Variants in CACNA2D1 observed in about 807,000 individuals in gnomAD.
The protein encoded by CACNA2D1 is voltage-dependent calcium channel subunit alpha-2/delta-1.
CACNA2D1 carries 53 observed loss-of-function variants against 171.5 expected under a neutral mutation model. The observed-to-expected ratio is 0.31, with a 90% CI of 0.25 to 0.39. CACNA2D1 has a LOEUF of 0.39. CACNA2D1 is among the 10% of genes least tolerant of loss of function. The probability of loss-of-function intolerance (pLI) is 1.00; values close to 1 mark genes in which losing one functional copy is unlikely to be tolerated. For synonymous variants in CACNA2D1, 442 were observed against 443.1 expected, an observed-to-expected ratio of 1.00 and a Z score of 0.03; for missense variants, 903 against 1,299.8, an observed-to-expected ratio of 0.69 and a Z score of 4.69.
chr7:82,409,043 T>C (rs1025538588), intron 1 of CACNA2D1, among the ~76,000 whole-genome samples: 1 of 152,060 alleles, frequency 6.6e-6, no homozygotes, highest in Admixed American at 6.6e-5. Context: ...TTTGCATTCA[T>C]TATTGAACTA....
chr7:82,421,564 C>T (rs1486762723), intron 1 of CACNA2D1, among the ~76,000 whole-genome samples: 17 of 152,046 alleles, frequency 1.1e-4, no homozygotes, highest in South Asian at 2.1e-4. Context: ...CAAGGAAGAG[C>T]GTTTGGGCAC....
At chr7:81,970,844 A>T (rs552529380) in intron 26 of CACNA2D1, 107 bp from the exon 27 acceptor site, 12 of 748,560 alleles carry the variant, frequency 1.6e-5, no homozygotes, top group African/African-American at 1.4e-4. Context: ...TAAAGGAAAT[A>T]TATCAATAGA....
intron 3 of CACNA2D1, among the ~76,000 whole-genome samples, chr7:82,202,844 G>A (rs1010291729): frequency 2.0e-5 from 3 of 152,032 alleles, no homozygotes; most frequent in Non-Finnish European, 1.5e-5. Flanking sequence ...CCACCTCAGA[G>A]GTCCTCCCAG....
chr7:82,167,997 GT>G (rs553381046), intron 4 of CACNA2D1, among the ~76,000 whole-genome samples: 1 of 152,056 alleles, frequency 6.6e-6, no homozygotes, highest in Non-Finnish European at 1.5e-5. Context: ...CTTGCACAAT[GT>G]TTTTTTAGCA....
At chr7:81,992,315 TTGA>T (rs1332084381) in intron 20 of CACNA2D1, among the ~76,000 whole-genome samples, 1 of 152,068 alleles carries the variant, frequency 6.6e-6, no homozygotes, top group Non-Finnish European at 1.5e-5. Context: ...CTGCAATTTA[TTGA>T]TGAAGAAATA....
intron 10 of CACNA2D1, chr7:82,050,317 A>G: frequency 2.5e-6 from 1 of 405,372 alleles, no homozygotes; most frequent in Non-Finnish European, 4.5e-6. Flanking sequence ...GATAAAAGGC[A>G]GAAAAAATAC....
intron 3 of CACNA2D1, among the ~76,000 whole-genome samples, chr7:82,314,887 T>G (rs1814918293): frequency 6.6e-6 from 1 of 152,060 alleles, no homozygotes; most frequent in Admixed American, 6.6e-5. Flanking sequence ...ACCTGTGTTT[T>G]ACCACCCCAT....
intron 24 of CACNA2D1, among the ~76,000 whole-genome samples, chr7:81,981,719 C>T (rs1796460622): frequency 6.6e-6 from 1 of 151,946 alleles, no homozygotes; most frequent in Non-Finnish European, 1.5e-5. Flanking sequence ...AAAGAACACC[C>T]TGGGACTACT....
intron 7 of CACNA2D1, among the ~76,000 whole-genome samples, chr7:82,072,284 C>A (rs1478352767): frequency 2.0e-5 from 3 of 151,968 alleles, no homozygotes; most frequent in Admixed American, 6.6e-5. Flanking sequence ...ACCCCACTCA[C>A]CCTTATGTGA....
chr7:82,207,098 C>T (rs765068791), intron 3 of CACNA2D1, among the ~76,000 whole-genome samples: 6 of 152,176 alleles, frequency 3.9e-5, no homozygotes, highest in African/African-American at 7.2e-5. Flanking sequence ...ATGGGAGTAT[C>T]CCTGGCCCCA....
At chr7:82,216,959 A>G (rs913088398) in intron 3 of CACNA2D1, among the ~76,000 whole-genome samples, 1 of 151,478 alleles carries the variant, frequency 6.6e-6, no homozygotes, top group African/African-American at 2.4e-5. Context: ...TACAGTGTTG[A>G]AGATGTTTTT....
At chr7:82,281,458 A>T (rs1438162330) in intron 3 of CACNA2D1, among the ~76,000 whole-genome samples, 1 of 152,186 alleles carries the variant, frequency 6.6e-6, no homozygotes, top group East Asian at 1.9e-4. Flanking sequence ...GTGGACATAT[A>T]ATTTTTTCAC....
chr7:82,443,560 G>C lies in CACNA2D1; in HGVS notation c.-101C>G. The C allele has an allele frequency of 2.6e-6, 4 of 1,514,698 alleles. No homozygotes were observed. Among genetic ancestry groups the C allele is most frequent in the Non-Finnish European group, 3.5e-6 (4 of 1,129,870 alleles). 93.8% of individuals were successfully genotyped at this position (1,514,698 alleles called of 1,614,324 possible). ...AAGAGCAGCACACGCCGCCGGGACCGCGGGCGTCTGGAGGGCTGGCTGCGC... is the reference window on the plus strand; with the variant it reads ...AAGAGCAGCACACGCCGCCGGGACCCCGGGCGTCTGGAGGGCTGGCTGCGC... On this transcript the variant is annotated 5_prime_UTR_variant, in exon 1 of 39. Coordinates refer to ENST00000356860, the MANE Select transcript of CACNA2D1 (RefSeq NM_000722.4).
chr7:82,382,415 G>C (rs572052997), intron 1 of CACNA2D1, among the ~76,000 whole-genome samples: 2 of 152,292 alleles, frequency 1.3e-5, no homozygotes, highest in Admixed American at 1.3e-4. Flanking sequence ...TTTGTGACTT[G>C]CTTGAGCATG....
intron 6 of CACNA2D1, among the ~76,000 whole-genome samples, chr7:82,113,778 A>T (rs370243945): frequency 6.6e-6 from 1 of 152,210 alleles, no homozygotes; most frequent in East Asian, 1.9e-4. Flanking sequence ...TAAATTTTCC[A>T]GATCTTGTGG....
intron 11 of CACNA2D1, 23 bp from the exon 12 acceptor site, chr7:82,032,924 A>G: frequency 8.5e-7 from 1 of 1,182,690 alleles, no homozygotes; most frequent in African/African-American, 1.5e-5. Flanking sequence ...AAACCAAACA[A>G]AACAATATGC....
chr7:82,102,370 A>G (rs1368612152), intron 6 of CACNA2D1, among the ~76,000 whole-genome samples: 1 of 152,144 alleles, frequency 6.6e-6, no homozygotes, highest in East Asian at 1.9e-4. Context: ...TTATAAATAG[A>G]AGGATGACAC....
intron 2 of CACNA2D1, among the ~76,000 whole-genome samples, chr7:82,335,713 G>A (rs1389964116): frequency 6.6e-6 from 1 of 152,162 alleles, no homozygotes; most frequent in African/African-American, 2.4e-5. Context: ...TAAAGCCCCT[G>A]CTAATATTCA....
At chr7:82,351,950 T>C (rs993490946) in intron 1 of CACNA2D1, among the ~76,000 whole-genome samples, 13 of 152,090 alleles carry the variant, frequency 8.5e-5, no homozygotes, top group African/African-American at 3.1e-4. Flanking sequence ...TACATCCCTT[T>C]AGCTCGAAAC....
Sources: gnomAD v4.1 joint callset for allele counts (sites outside exome capture counted in the v4.1 genomes callset) on GRCh38, gnomAD v4.1.1 for gene constraint, MANE v1.5 for transcripts, NCBI Gene and HGNC (gene_info 2026-07-23, HGNC 2026-07-21) for gene names.